LDHA: variants seen among roughly 807,000 people sequenced by gnomAD.
LDHA encodes the protein L-lactate dehydrogenase A chain.
LDHA carries 10 observed loss-of-function variants against 36.3 expected under a neutral mutation model. The ratio of observed to expected loss-of-function variants is 0.28; its 90% CI spans 0.17 to 0.47. The LOEUF is 0.47. Among genes scored for constraint, LDHA ranks in the 20% least tolerant of loss-of-function variants. The pLI is 0.99. For synonymous variants in LDHA, 110 were observed against 136.7 expected (o/e 0.80, Z 1.36); for missense variants, 267 against 405.8 (o/e 0.66, Z 2.94).
At chr11:18,397,089 C>T (rs1410856486) in intron 2 of LDHA, 121 bp downstream of exon 2, 58 of 866,698 alleles carry the variant, frequency 6.7e-5, no homozygotes, top group Non-Finnish European at 9.9e-5. Flanking sequence ...TGCACTCATT[C>T]GGATAACTTT....
Position 18,402,830 on chromosome 11 carries a change from T to A in LDHA, c.419-10T>A. On this transcript the variant is annotated splice_polypyrimidine_tract_variant and intron_variant, in intron 4 of 7. Transcript: ENST00000422447. ...ATAATGGGTGATTTTTATTTTCTCC[T>A]TTTTCATAGTGGATATCTTGACCTA... The A allele has an allele frequency of 6.2e-7, 1 of 1,606,936 alleles. No individual in the cohort carries two copies. Among genetic ancestry groups the A allele is most frequent in the East Asian group, 2.2e-5 (1 of 44,818 alleles).
At position 18,407,147 on chromosome 11, in the gene LDHA, C is replaced by T. The variant is rs752750333; in HGVS notation, c.865C>T (p.Leu289Phe). Residue 289 changes from leucine to phenylalanine, a missense_variant, in exon 8 of 8, where the codon CTT (leucine) becomes TTT (phenylalanine). Coordinates refer to ENST00000422447, the MANE Select transcript of LDHA (RefSeq NM_005566.4). ...TTACGGAATAAAGGATGATGTCTTCCTTAGTGTTCCTTGCATTTTGGGACA... is the reference window on the plus strand; with the variant it reads ...TTACGGAATAAAGGATGATGTCTTCTTTAGTGTTCCTTGCATTTTGGGACA... ...GLYGIKDDVF[L>F]SVPCILGQNG... The T allele has an allele frequency of 1.2e-6, 2 of 1,603,810 alleles. No individual in the cohort carries two copies. Among genetic ancestry groups the T allele is most frequent in the South Asian group, 1.1e-5 (1 of 90,432 alleles).
Position 18,407,439 on chromosome 11 carries a change from G to T in LDHA, c.*158G>T, listed in dbSNP as rs1866733574. 1 of 1,447,506 alleles carries T rather than the reference G, an allele frequency of 6.9e-7. No individual in the cohort carries two copies. Among genetic ancestry groups the T allele is most frequent in the Non-Finnish European group, 9.5e-7 (1 of 1,053,144 alleles). The allele number at this position is 1,447,506 out of a possible 1,614,324, so 89.7% of individuals were successfully genotyped here. A position where few individuals can be genotyped will look rare whatever the true frequency, so the allele number is the denominator to read the frequency against. On this transcript the variant is annotated 3_prime_UTR_variant, in exon 8 of 8. Transcript: ENST00000422447. ...ACTCCTGAAGTTAGAAATAAGAATG[G>T]TTTGTAAAATCCACAGCTATATCCT...
chr11:18,399,605 A>T (rs1301059091), intron 3 of LDHA, 57 bp downstream of exon 3: 1 of 1,288,948 alleles, frequency 7.8e-7, no homozygotes, highest in Non-Finnish European at 1.1e-6. Context: ...CTTTTTCCAG[A>T]TGGTCTCCAT....
At chr11:18,398,706 C>G (rs1268506264) in intron 2 of LDHA, 1 of 135,068 alleles carries the variant, frequency 7.4e-6, no homozygotes, top group African/African-American at 2.8e-5. Context: ...CTCTGCCTCC[C>G]GGGTTCATAC....
chr11:18,403,082 T>G, intron 5 of LDHA, 69 bp downstream of exon 5: 1 of 1,285,104 alleles, frequency 7.8e-7, no homozygotes, highest in Non-Finnish European at 1.1e-6. Flanking sequence ...ATTATATTAT[T>G]CAATTAGAGC....
At chr11:18,403,960 T>G in intron 6 of LDHA, 149 bp downstream of exon 6, 1 of 658,708 alleles carries the variant, frequency 1.5e-6, no homozygotes, top group East Asian at 3.0e-5. Flanking sequence ...AGACAGAATC[T>G]TGCCCTTTCG....
chr11:18,394,776 C>CAG (rs1165213945), intron 1 of LDHA, 140 bp downstream of exon 1: 2 of 405,538 alleles, frequency 4.9e-6, no homozygotes, highest in African/African-American at 4.1e-5. Flanking sequence ...AAGCACAGCC[C>CAG]AGAGACGTCT....
chr11:18,397,059 T>C (rs916984565), intron 2 of LDHA, 91 bp downstream of exon 2: 3 of 1,170,438 alleles, frequency 2.6e-6, no homozygotes, highest in South Asian at 2.6e-5. Context: ...TTACATTTCA[T>C]GTAACAGTAT....
chr11:18,395,650 G>T (rs7932887), intron 1 of LDHA, among the ~76,000 whole-genome samples: 21,366 of 152,106 alleles, frequency 0.14, 2,001 homozygotes, highest in African/African-American at 0.26. Flanking sequence ...AGGTCCTCTC[G>T]GATTTTTGCC....
Position 18,396,973 on chromosome 11 carries a change from G to A in LDHA, c.126+5G>A. 1 of 1,613,846 alleles carries A rather than the reference G, an allele frequency of 6.2e-7. No individual in the cohort carries two copies. Among genetic ancestry groups the A allele is most frequent in the Non-Finnish European group, 8.5e-7 (1 of 1,179,786 alleles). On this transcript the variant is annotated splice_donor_5th_base_variant and intron_variant, in intron 2 of 7. Transcript: ENST00000422447. ...GCCATCAGTATCTTAATGAAGGTAA[G>A]TGAGAGTCTACCACACTGGAAGCCC...
intron 2 of LDHA, chr11:18,397,454 C>T (rs1164701050): frequency 6.5e-6 from 1 of 154,154 alleles, no homozygotes; most frequent in African/African-American, 2.4e-5. Context: ...GTGAGTAAAG[C>T]ACTCCTTATT....
intron 4 of LDHA, among the ~76,000 whole-genome samples, chr11:18,402,122 AT>A (rs1195145427): frequency 1.3e-5 from 2 of 151,392 alleles, no homozygotes; most frequent in Non-Finnish European, 2.9e-5. Context: ...TGCTCGGCTA[AT>A]TTTTGAAGTT....
At chr11:18,401,645 T>G (rs1386861647) in intron 4 of LDHA, among the ~76,000 whole-genome samples, 2 of 150,882 alleles carry the variant, frequency 1.3e-5, no homozygotes, top group Non-Finnish European at 3.0e-5. Context: ...GCCTGGCTAA[T>G]TTTTTGTATT....
intron 2 of LDHA, 56 bp downstream of exon 2, chr11:18,397,024 C>G: frequency 1.4e-6 from 2 of 1,437,892 alleles, no homozygotes; most frequent in Non-Finnish European, 2.0e-6. Flanking sequence ...CCTCTACCCC[C>G]ACTCCTACCC....
intron 3 of LDHA, 150 bp downstream of exon 3, chr11:18,399,698 T>G: frequency 1.4e-6 from 1 of 690,082 alleles, no homozygotes; most frequent in Non-Finnish European, 2.7e-6. Flanking sequence ...CTCCTTCCAC[T>G]TCATTACCCC....
At chr11:18,407,084 T>A in intron 7 of LDHA, 33 bp from the exon 8 acceptor site, 1 of 1,432,816 alleles carries the variant, frequency 7.0e-7, no homozygotes, top group Non-Finnish European at 9.4e-7. Context: ...ATAGACAAAA[T>A]GTGAGATTTT....
intron 1 of LDHA, 87 bp downstream of exon 1, chr11:18,394,723 G>A (rs1168536537): frequency 2.2e-6 from 1 of 448,588 alleles, no homozygotes; most frequent in East Asian, 7.0e-5. Context: ...CGCTGCTCGC[G>A]AAGGGATTCC....
chr11:18,408,345 A>C lies in LDHA; in HGVS notation c.*1064A>C. ...CCCATCTGTTAAAAAAACAAAACAA[A>C]ACCAAAAAAAACAAGTAACCTTGGT... On this transcript the variant is annotated 3_prime_UTR_variant, in exon 8 of 8. Coordinates refer to ENST00000422447, the MANE Select transcript of LDHA (RefSeq NM_005566.4). 1 of 367,840 alleles carries C rather than the reference A, an allele frequency of 2.7e-6. No individual in the cohort carries two copies. The highest frequency in any genetic ancestry group is 5.3e-6 in the Non-Finnish European group (1 of 188,882). 22.8% of individuals were successfully genotyped at this position (367,840 alleles called of 1,614,324 possible). A position where few individuals can be genotyped will look rare whatever the true frequency, so the allele number is the denominator to read the frequency against.
Sources: allele counts gnomAD v4.1 joint callset (sites outside exome capture counted in the v4.1 genomes callset), GRCh38; gene constraint gnomAD v4.1.1; transcripts MANE v1.5; gene names NCBI Gene and HGNC (gene_info 2026-07-23, HGNC 2026-07-21).